Variants in CACHD1 observed in about 807,000 individuals in gnomAD.
CACHD1 encodes the protein cache domain containing 1, also known as VWFA and cache domain-containing protein 1.
A neutral mutation model predicts 138.7 loss-of-function variants in CACHD1; 71 were observed. The observed-to-expected ratio is 0.51, with a 90% CI of 0.42 to 0.62. The LOEUF is 0.62. Among genes scored for constraint, CACHD1 ranks in the 20% least tolerant of loss-of-function variants. The probability of loss-of-function intolerance (pLI) is 0.00; values close to 1 mark genes in which losing one functional copy is unlikely to be tolerated. For missense variants in CACHD1, 1,389 were observed against 1,625.3 expected (o/e 0.85, Z 2.50); for synonymous variants, 578 against 591.5 (o/e 0.98, Z 0.33).
intron 3 of CACHD1, among the ~76,000 whole-genome samples, chr1:64,597,538 T>G (rs548605259): frequency 0.038 from 5,648 of 147,436 alleles, 174 homozygotes; most frequent in African/African-American, 0.057. Context: ...TTTTTTTTTT[T>G]TTTTTTTTTT....
At chr1:64,525,528 C>G (rs533373228) in intron 1 of CACHD1, among the ~76,000 whole-genome samples, 6 of 152,292 alleles carry the variant, frequency 3.9e-5, no homozygotes, top group South Asian at 2.1e-4. Flanking sequence ...CACTGTATTA[C>G]TGATGATCAA....
intron 10 of CACHD1, among the ~76,000 whole-genome samples, chr1:64,653,195 CA>C (rs1052165835): frequency 6.6e-6 from 1 of 151,832 alleles, no homozygotes; most frequent in Non-Finnish European, 1.5e-5. Flanking sequence ...CACATGGACA[CA>C]AAGAGGAGGA....
At chr1:64,564,656 T>C (rs1646867136) in intron 2 of CACHD1, among the ~76,000 whole-genome samples, 1 of 152,176 alleles carries the variant, frequency 6.6e-6, no homozygotes, top group Non-Finnish European at 1.5e-5. Context: ...TATTTAATCC[T>C]CTTGGGTAAG....
chr1:64,648,020 A>T lies in CACHD1; in HGVS notation c.1376A>T (p.Asp459Val). 6.2e-7 allele frequency: 1 copy of T among 1,611,360 alleles called. No homozygotes were observed. Among genetic ancestry groups the T allele is most frequent in the Non-Finnish European group, 8.5e-7 (1 of 1,178,124 alleles). The change falls in exon 9 of 27, where the codon GAT (aspartate) becomes GTT (valine). Residue 459 changes from aspartate to valine, a missense_variant. Asp to Val is a radical substitution (Grantham distance 152). Around this residue, in one of 5 missense-constraint regions of CACHD1, gnomAD observed 1,000 missense variants for 1,114.7 expected, o/e 0.90. Transcript: ENST00000651257. ...GCCGTCTTCAGCCTGCCCTTCTCTG[A>T]TGAGATGGGAGATGGTGAGTTTGGA... ...DEAVFSLPFS[D>V]EMGDGLIMTV... is the part of the protein sequence containing the mutation.
intron 5 of CACHD1, among the ~76,000 whole-genome samples, chr1:64,631,934 G>T (rs921864149): frequency 6.6e-6 from 1 of 152,090 alleles, no homozygotes; most frequent in Non-Finnish European, 1.5e-5. Flanking sequence ...CTTAGCAGGA[G>T]CCTTTGTATG....
intron 2 of CACHD1, among the ~76,000 whole-genome samples, chr1:64,571,433 C>G (rs939383682): frequency 2.0e-5 from 3 of 152,044 alleles, no homozygotes; most frequent in African/African-American, 7.3e-5. Context: ...ATATTTCATT[C>G]AAAAGGCATG....
At chr1:64,607,323 T>C (rs1647372106) in intron 4 of CACHD1, among the ~76,000 whole-genome samples, 1 of 152,160 alleles carries the variant, frequency 6.6e-6, no homozygotes, top group African/African-American at 2.4e-5. Context: ...ATCAACTTTG[T>C]CACCTAGTCC....
At chr1:64,477,038 G>A (rs531925555) in intron 1 of CACHD1, among the ~76,000 whole-genome samples, 1 of 152,280 alleles carries the variant, frequency 6.6e-6, no homozygotes, top group Non-Finnish European at 1.5e-5. Flanking sequence ...GACTCAGCCA[G>A]TTAGTTATTA....
intron 26 of CACHD1, among the ~76,000 whole-genome samples, chr1:64,687,112 T>C (rs1030332526): frequency 5.3e-5 from 8 of 152,348 alleles, no homozygotes; most frequent in African/African-American, 1.9e-4. Context: ...TTGCAGACAC[T>C]TTGCTACATA....
chr1:64,567,597 A>G (rs746166788), intron 2 of CACHD1, among the ~76,000 whole-genome samples: 4 of 152,126 alleles, frequency 2.6e-5, no homozygotes, highest in Non-Finnish European at 4.4e-5. Flanking sequence ...AATTTCCTAG[A>G]ATCATGGTTG....
At chr1:64,654,259 G>C (rs2100685590) in intron 11 of CACHD1, among the ~76,000 whole-genome samples, 1 of 152,302 alleles carries the variant, frequency 6.6e-6, no homozygotes, top group Non-Finnish European at 1.5e-5. Context: ...CCAAAAAATA[G>C]CCTGGCAAAG....
intron 8 of CACHD1, among the ~76,000 whole-genome samples, chr1:64,646,553 C>T (rs1018690114): frequency 3.3e-5 from 5 of 149,658 alleles, no homozygotes; most frequent in African/African-American, 1.3e-4. Context: ...CATGGTGAAA[C>T]CCCGTCTTTA....
At chr1:64,472,960 T>C (rs186242868) in intron 1 of CACHD1, among the ~76,000 whole-genome samples, 52 of 152,038 alleles carry the variant, frequency 3.4e-4, no homozygotes, top group Admixed American at 2.4e-3. Context: ...AAAGGTGAAA[T>C]TGGATCCCAA....
chr1:64,528,227 G>T (rs1473677973), intron 1 of CACHD1, among the ~76,000 whole-genome samples: 1 of 152,154 alleles, frequency 6.6e-6, no homozygotes, highest in East Asian at 1.9e-4. Flanking sequence ...CTGAAAGGAG[G>T]TCCAGCTAAT....
At chr1:64,652,510 G>A (rs1649130005) in intron 10 of CACHD1, among the ~76,000 whole-genome samples, 200 bp downstream of exon 10, 1 of 152,106 alleles carries the variant, frequency 6.6e-6, no homozygotes, top group Non-Finnish European at 1.5e-5. Context: ...TTCTTTGAGG[G>A]GTAGGGAACG....
intron 1 of CACHD1, among the ~76,000 whole-genome samples, chr1:64,549,827 AC>A (rs1646746055): frequency 6.7e-6 from 1 of 150,246 alleles, no homozygotes; most frequent in Non-Finnish European, 1.5e-5. Context: ...TCTAGCAGAT[AC>A]ATAACTTAGA....
intron 1 of CACHD1, among the ~76,000 whole-genome samples, chr1:64,542,813 C>G (rs1427654958): frequency 6.6e-6 from 1 of 152,070 alleles, no homozygotes; most frequent in Non-Finnish European, 1.5e-5. Flanking sequence ...CAATATTCAG[C>G]TTTATCAAAT....
rs569621266 is a variant in CACHD1, at chr1:64,618,046, C to T, written c.518-11309C>T. ...AGTGAGTCAAGATCATGCCATTGCG[C>T]TCCAGCTTGGGCAACAAGAGTGAAA... is the stretch of plus-strand genomic sequence containing the variant. On this transcript the variant is annotated intron_variant, in intron 4 of 26. Coordinates refer to ENST00000651257, the MANE Select transcript of CACHD1 (RefSeq NM_020925.4). Among the ~76,000 whole-genome samples the T allele has an allele frequency of 1.1e-3, 168 of 150,178 alleles. 3 individuals are homozygous for T. In the Middle Eastern group the frequency reaches 0.014, roughly 12 times the overall value.
intron 1 of CACHD1, among the ~76,000 whole-genome samples, chr1:64,508,183 C>G (rs1646391682): frequency 6.6e-6 from 1 of 152,122 alleles, no homozygotes; most frequent in East Asian, 1.9e-4. Context: ...ATGAGAAGAG[C>G]AAGGGGGAAA....
Sources: gnomAD v4.1 joint callset for allele counts (sites outside exome capture counted in the v4.1 genomes callset) on GRCh38, gnomAD v4.1.1 for gene constraint, gnomAD v4.1.1 regional missense constraint, MANE v1.5 for transcripts, NCBI Gene and HGNC (gene_info 2026-07-23, HGNC 2026-07-21) for gene names.